The following MAML3 variants were observed in gnomAD, a reference collection of about 807,000 sequenced individuals.
MAML3 encodes the protein mastermind-like protein 3.
In MAML3, 27 loss-of-function variants were observed where a neutral mutation model predicts 101.9. The ratio of observed to expected loss-of-function variants is 0.27; its 90% CI spans 0.20 to 0.37. The LOEUF (loss-of-function observed/expected upper bound fraction) is 0.37. Among genes scored for constraint, MAML3 ranks in the 10% least tolerant of loss-of-function variants. MAML3 has a pLI of 1.00. For missense variants in MAML3, 1,316 were observed against 1,444.9 expected (o/e 0.91, Z 1.45); for synonymous variants, 501 against 555.9 (o/e 0.90, Z 1.39).
In MAML3 at chr4:139,735,087, G is replaced by A. The variant is rs1163365892; in HGVS notation, c.2080-4420C>T. Reference sequence around the variant, plus strand: ...CCCGCCCCTCCGCGGCCCCCGCCCCGCGCGTCTGGGCGAGCGCTGCGAACG... The same window carrying A: ...CCCGCCCCTCCGCGGCCCCCGCCCCACGCGTCTGGGCGAGCGCTGCGAACG... On this transcript the variant is annotated intron_variant, in intron 2 of 4. Transcript: ENST00000509479. This position sits in a 1 kb window ranked among gnomAD's most constrained non-coding sequence, Gnocchi z 5.8. Among the ~76,000 whole-genome samples the A allele has an allele frequency of 6.6e-6, 1 of 152,158 alleles. No homozygotes were observed. The highest frequency in any genetic ancestry group is 1.5e-5 in the Non-Finnish European group (1 of 68,026).
chr4:139,847,621 A>G (rs1731472595), intron 2 of MAML3, among the ~76,000 whole-genome samples: 1 of 152,270 alleles, frequency 6.6e-6, no homozygotes, highest in Non-Finnish European at 1.5e-5. Flanking sequence ...CCTGGTGAAC[A>G]GGATCAATTA....
chr4:139,851,128 T>C (rs1346587949), intron 2 of MAML3, among the ~76,000 whole-genome samples: 1 of 152,194 alleles, frequency 6.6e-6, no homozygotes, highest in Non-Finnish European at 1.5e-5. Context: ...TCTCTGAAGG[T>C]ACCAATGGTT....
chr4:140,128,311 G>C (rs1320291291), intron 1 of MAML3, among the ~76,000 whole-genome samples: 1 of 152,224 alleles, frequency 6.6e-6, no homozygotes, highest in Non-Finnish European at 1.5e-5. Flanking sequence ...TACAGTCACA[G>C]ATGAGCGAAG....
At position 139,725,763 on chromosome 4, in the gene MAML3, TGACC is replaced by T; in HGVS notation, c.2400_2403del (p.Val801IlefsTer10). 6.2e-7 allele frequency: 1 copy of T among 1,613,966 alleles called. No homozygotes were observed. The highest frequency in any genetic ancestry group is 8.5e-7 in the Non-Finnish European group (1 of 1,179,872). Reference sequence around the variant, plus strand: ...GCACTGGCCTCACCTTGAAACTGATTGACCTGCTGCACTGGGTATGGATTCCGCT... The same window carrying T: ...GCACTGGCCTCACCTTGAAACTGATTTGCTGCACTGGGTATGGATTCCGCT... On this transcript the variant is annotated frameshift_variant, in exon 4 of 5. Transcript: ENST00000509479. LOFTEE classifies it high-confidence loss of function.
chr4:140,077,910 C>T (rs1438940469), intron 1 of MAML3, among the ~76,000 whole-genome samples: 2 of 151,868 alleles, frequency 1.3e-5, no homozygotes, highest in African/African-American at 4.8e-5. Context: ...CCCAGCTACT[C>T]GGGAGGCCCA....
rs76772227 is a variant in MAML3 at position 139,959,494 on chromosome 4, A to G, written c.469-68527T>C. On this transcript the variant is annotated intron_variant, in intron 1 of 4. Coordinates refer to ENST00000509479, the MANE Select transcript of MAML3 (RefSeq NM_018717.5). Reference sequence around the variant, plus strand: ...TATGGCAGAAAAGAAAGCTGCTTTCAAGGTGAGATTTCAGGTGTGCTCATG... The same window carrying G: ...TATGGCAGAAAAGAAAGCTGCTTTCGAGGTGAGATTTCAGGTGTGCTCATG... Among the ~76,000 whole-genome samples, 636 of 152,348 alleles carry G rather than the reference A, an allele frequency of 4.2e-3. 9 individuals are homozygous for G. Among genetic ancestry groups the G allele is most frequent in the African/African-American group, 0.014 (577 of 41,580 alleles).
intron 1 of MAML3, among the ~76,000 whole-genome samples, chr4:139,956,833 A>G (rs1733925125): frequency 6.6e-6 from 1 of 152,244 alleles, no homozygotes; most frequent in African/African-American, 2.4e-5. Flanking sequence ...TGTCCCTGAC[A>G]AAAGGTCGAG....
At chr4:139,998,627 C>T (rs1282546895) in intron 1 of MAML3, among the ~76,000 whole-genome samples, 2 of 152,214 alleles carry the variant, frequency 1.3e-5, no homozygotes, top group African/African-American at 2.4e-5. Flanking sequence ...ATGGGTTACA[C>T]TCTCCTCTTT....
intron 2 of MAML3, among the ~76,000 whole-genome samples, chr4:139,783,014 A>G (rs1730243915): frequency 6.6e-6 from 1 of 152,178 alleles, no homozygotes; most frequent in South Asian, 2.1e-4. Flanking sequence ...AGCAATGCAT[A>G]AAACTTCCAG....
At chr4:139,830,410 A>AT (rs1157293904) in intron 2 of MAML3, among the ~76,000 whole-genome samples, 3,506 of 121,240 alleles carry the variant, frequency 0.029, 185 homozygotes, top group African/African-American at 0.08. Flanking sequence ...ACGCTGTGCT[A>AT]TTTTTTTTTT....
Position 139,879,248 on chromosome 4 carries a change from G to A in MAML3, c.2079+10109C>T, listed in dbSNP as rs199593257. ...CCATTTGAAAATGGTAGTGGTGGCC[G>A]GGTGCAGTGGCTCACGCTTGTAATT... On this transcript the variant is annotated intron_variant, in intron 2 of 4. Coordinates refer to ENST00000509479, the MANE Select transcript of MAML3 (RefSeq NM_018717.5). Among the ~76,000 whole-genome samples, 23 of 152,194 alleles carry A rather than the reference G, an allele frequency of 1.5e-4. No individual in the cohort carries two copies. In the East Asian group the frequency reaches 3.1e-3, roughly 20 times the overall value.
At position 140,030,427 on chromosome 4, in the gene MAML3, C is replaced by T. The variant is rs189217164; in HGVS notation, c.468+122433G>A. Among the ~76,000 whole-genome samples, 344 of 152,330 alleles carry T rather than the reference C, an allele frequency of 2.3e-3. 4 individuals are homozygous for T. The highest frequency in any genetic ancestry group is 7.9e-3 in the African/African-American group (329 of 41,574). On this transcript the variant is annotated intron_variant, in intron 1 of 4. Coordinates refer to ENST00000509479, the MANE Select transcript of MAML3 (RefSeq NM_018717.5). ...CTGCCCAGAGTGAAGATCAATGCCACAGGAAGACAAAATTCAGTTTTATTT... is the reference window on the plus strand; with the variant it reads ...CTGCCCAGAGTGAAGATCAATGCCATAGGAAGACAAAATTCAGTTTTATTT...
intron 1 of MAML3, among the ~76,000 whole-genome samples, chr4:139,973,637 GT>G (rs1734268578): frequency 6.6e-6 from 1 of 152,066 alleles, no homozygotes; most frequent in Non-Finnish European, 1.5e-5. Flanking sequence ...GATAAATGAG[GT>G]CTCCTAAAAT....
chr4:139,799,582 C>T (rs891722067), intron 2 of MAML3, among the ~76,000 whole-genome samples: 2 of 152,168 alleles, frequency 1.3e-5, no homozygotes, highest in South Asian at 2.1e-4. Flanking sequence ...TAAGACAGTA[C>T]ATTTTCAGGT....
intron 2 of MAML3, 179 bp from the exon 3 acceptor site, chr4:139,730,846 A>G (rs1039198315): frequency 1.8e-5 from 11 of 613,344 alleles, no homozygotes; most frequent in Middle Eastern, 4.3e-4. Flanking sequence ...TTACCTGAGT[A>G]GAATGAGAGA....
At chr4:139,910,926 G>A (rs1208825068) in intron 1 of MAML3, among the ~76,000 whole-genome samples, 2 of 152,170 alleles carry the variant, frequency 1.3e-5, no homozygotes, top group African/African-American at 4.8e-5. Context: ...CCATTTCTAA[G>A]TGTACAGTTC....
chr4:139,911,368 C>A (rs1732917051), intron 1 of MAML3, among the ~76,000 whole-genome samples: 1 of 152,074 alleles, frequency 6.6e-6, no homozygotes, highest in Admixed American at 6.5e-5. Flanking sequence ...CAGGCGCACA[C>A]CACCACACCC....
intron 2 of MAML3, among the ~76,000 whole-genome samples, chr4:139,753,585 C>T (rs906945603): frequency 1.3e-5 from 2 of 152,030 alleles, no homozygotes; most frequent in African/African-American, 2.4e-5. Flanking sequence ...TATAATTTTA[C>T]AAAATAAGTG....
At chr4:139,997,122 TTA>T (rs1045133861) in intron 1 of MAML3, among the ~76,000 whole-genome samples, 9 of 149,442 alleles carry the variant, frequency 6.0e-5, no homozygotes, top group Admixed American at 2.0e-4. Context: ...AAAAAAATAT[TTA>T]TATATATATG....
Sources: gnomAD v4.1 joint callset for allele counts (sites outside exome capture counted in the v4.1 genomes callset) on GRCh38, gnomAD v4.1.1 for gene constraint, Gnocchi (gnomAD v3.1) non-coding constraint, MANE v1.5 for transcripts, NCBI Gene and HGNC (gene_info 2026-07-23, HGNC 2026-07-21) for gene names.